ADGRG2: variants seen among roughly 807,000 people sequenced by gnomAD.
The protein encoded by ADGRG2 is adhesion G protein-coupled receptor G2, also known as G protein-coupled receptor 64.
A neutral mutation model predicts 74.1 loss-of-function variants in ADGRG2; 26 were observed. The ratio of observed to expected loss-of-function variants is 0.35; its 90% CI spans 0.26 to 0.49. The LOEUF (loss-of-function observed/expected upper bound fraction) is 0.49. Among genes scored for constraint, ADGRG2 ranks in the 20% least tolerant of loss-of-function variants. The probability of loss-of-function intolerance (pLI) is 0.99; values close to 1 mark genes in which losing one functional copy is unlikely to be tolerated. For synonymous variants in ADGRG2, 296 were observed against 295.2 expected, an observed-to-expected ratio of 1.00 and a Z score of -0.03; for missense variants, 619 against 763.1, an observed-to-expected ratio of 0.81 and a Z score of 2.22.
At position 18,990,722 on chromosome X, in the gene ADGRG2, C is replaced by G. The variant is rs1344721508; in HGVS notation, c.*142G>C. On this transcript the variant is annotated 3_prime_UTR_variant, in exon 29 of 29. Coordinates refer to ENST00000379869, the MANE Select transcript of ADGRG2 (RefSeq NM_001079858.3). ...CTTGGTTTCTTCTTGTAATAATAAT[C>G]ATCGCCCTTAATTAGCTTATGCTTC... The G allele has an allele frequency of 2.5e-6, 1 of 399,342 alleles. No individual in the cohort carries two copies. The highest frequency in any genetic ancestry group is 2.5e-5 in the African/African-American group (1 of 39,264). The allele number at this position is 399,342 out of a possible 1,213,427, so 32.9% of individuals were successfully genotyped here.
intron 1 of ADGRG2, among the ~76,000 whole-genome samples, chrX:19,111,683 G>C (rs930842975): frequency 9.0e-6 from 1 of 111,313 alleles, no homozygotes; most frequent in Non-Finnish European, 1.9e-5. Context: ...ACTAGAAATG[G>C]GGGTGGGGAA....
At chrX:19,091,958 G>A (rs993545029) in intron 1 of ADGRG2, among the ~76,000 whole-genome samples, 2 of 112,555 alleles carry the variant, frequency 1.8e-5, no homozygotes, top group African/African-American at 6.5e-5. Context: ...GAATTGACGC[G>A]ACTTGGGTCT....
chrX:19,047,084 A>G (rs1477150274), intron 3 of ADGRG2, among the ~76,000 whole-genome samples: 2 of 112,113 alleles, frequency 1.8e-5, no homozygotes, highest in Non-Finnish European at 3.8e-5. Context: ...TTGGATGACT[A>G]TGACTCAGAT....
intron 3 of ADGRG2, among the ~76,000 whole-genome samples, chrX:19,047,250 C>T (rs1601984559): frequency 9.0e-6 from 1 of 111,554 alleles, no homozygotes; most frequent in African/African-American, 3.3e-5. Flanking sequence ...CAGTGGTGAC[C>T]TCAATAACAT....
chrX:19,015,773 ACTC>A (rs2060456132), intron 15 of ADGRG2, among the ~76,000 whole-genome samples: 1 of 110,675 alleles, frequency 9.0e-6, no homozygotes, highest in Non-Finnish European at 1.9e-5. Context: ...AGCTTTCACT[ACTC>A]CTGTGGACAA....
chrX:19,101,659 C>T (rs1051963905), intron 1 of ADGRG2, among the ~76,000 whole-genome samples: 4 of 109,251 alleles, frequency 3.7e-5, no homozygotes, highest in African/African-American at 1.3e-4. Context: ...TGGGATGGAG[C>T]TACTGCACTC....
intron 8 of ADGRG2, chrX:19,032,547 T>A (rs1192064627): frequency 8.9e-6 from 1 of 111,813 alleles, no homozygotes; most frequent in Non-Finnish European, 1.9e-5. Flanking sequence ...TTGCTGTTCA[T>A]TCATACTGAG....
intron 3 of ADGRG2, 86 bp downstream of exon 3, chrX:19,068,631 C>T (rs1384886735): frequency 2.3e-6 from 1 of 440,018 alleles, no homozygotes; most frequent in Non-Finnish European, 3.9e-6. Flanking sequence ...GTTATTTTAC[C>T]ACAGTAAAAA....
rs1180932520 is a variant in ADGRG2 at position 18,990,564 on chromosome X, T to C, written c.*300A>G. The C allele has an allele frequency of 1.2e-5, 2 of 162,285 alleles. No homozygotes were observed. Among genetic ancestry groups the C allele is most frequent in the Non-Finnish European group, 2.3e-5 (2 of 86,249 alleles). 13.4% of individuals were successfully genotyped at this position (162,285 alleles called of 1,213,427 possible). ...AAGATAACTTAGCCTCTTTAAAAGG[T>C]AGCTGAAAGTTCACTACCTTTTTTT... On this transcript the variant is annotated 3_prime_UTR_variant, in exon 29 of 29. Transcript: ENST00000379869.
chrX:19,058,237 A>G (rs1237242815), intron 3 of ADGRG2, among the ~76,000 whole-genome samples: 1 of 111,683 alleles, frequency 9.0e-6, no homozygotes, highest in Non-Finnish European at 1.9e-5. Context: ...CCTGGCCTCA[A>G]AGAGAGTTTA....
intron 11 of ADGRG2, among the ~76,000 whole-genome samples, chrX:19,024,909 A>T (rs1450802369): frequency 8.9e-6 from 1 of 111,981 alleles, no homozygotes; most frequent in Non-Finnish European, 1.9e-5. Context: ...CAGCCTCCTG[A>T]GTAGCTGGGA....
At chrX:19,116,099 C>T (rs2062508304) in intron 1 of ADGRG2, among the ~76,000 whole-genome samples, 1 of 109,276 alleles carries the variant, frequency 9.2e-6, no homozygotes, top group African/African-American at 3.3e-5. Context: ...GTAGTGCCTC[C>T]AGCTGCTCAG....
chrX:18,998,421 G>A (rs1344627496), intron 26 of ADGRG2, among the ~76,000 whole-genome samples: 1 of 110,741 alleles, frequency 9.0e-6, no homozygotes, highest in East Asian at 2.8e-4. Flanking sequence ...TCTCCAAGGA[G>A]ACAACTATGA....
rs192994524 is a variant in ADGRG2 at position 19,109,746 on chromosome X, G to A, written c.-47+12696C>T. Among the ~76,000 whole-genome samples the A allele has an allele frequency of 7.7e-3, 858 of 111,629 alleles. 10 individuals carry two copies. Among genetic ancestry groups the A allele is most frequent in the African/African-American group, 0.026 (802 of 30,729 alleles). On this transcript the variant is annotated intron_variant, in intron 1 of 28. Transcript: ENST00000379869. Reference sequence around the variant, plus strand: ...AATGAAGTGTTTCAAAAATTTACACGACAGAATCCCAAGATAAAACATGTC... The same window carrying A: ...AATGAAGTGTTTCAAAAATTTACACAACAGAATCCCAAGATAAAACATGTC...
intron 1 of ADGRG2, among the ~76,000 whole-genome samples, chrX:19,098,583 A>G (rs2062136882): frequency 8.9e-6 from 1 of 112,369 alleles, no homozygotes. Flanking sequence ...ACAGCAAAAC[A>G]GAACCACATC....
intron 3 of ADGRG2, among the ~76,000 whole-genome samples, chrX:19,068,456 G>T (rs914404512): frequency 8.6e-5 from 9 of 104,473 alleles, no homozygotes; most frequent in African/African-American, 3.6e-4. Context: ...AGGAAGGGGT[G>T]GGGGGGAAGG....
At chrX:19,066,144 G>A (rs1219850588) in intron 3 of ADGRG2, among the ~76,000 whole-genome samples, 2 of 112,406 alleles carry the variant, frequency 1.8e-5, no homozygotes, top group African/African-American at 3.2e-5. Flanking sequence ...CACTGCACCC[G>A]GCCATTATTT....
chrX:19,085,731 T>C (rs142087492), intron 1 of ADGRG2, among the ~76,000 whole-genome samples: 39 of 111,540 alleles, frequency 3.5e-4, no homozygotes, highest in African/African-American at 1.3e-3. Context: ...TGAAGCCAAA[T>C]TGCTACTCCA....
intron 9 of ADGRG2, 105 bp from the exon 10 acceptor site, chrX:19,028,343 G>T (rs1601931264): frequency 2.5e-6 from 1 of 392,264 alleles, no homozygotes; most frequent in Non-Finnish European, 4.5e-6. Flanking sequence ...TCATCAAATT[G>T]TTTTTATTCA....
Sources: allele counts gnomAD v4.1 joint callset (sites outside exome capture counted in the v4.1 genomes callset), GRCh38; gene constraint gnomAD v4.1.1; transcripts MANE v1.5; gene names NCBI Gene and HGNC (gene_info 2026-07-23, HGNC 2026-07-21).